The following MAGI2 variants were observed in gnomAD, a reference collection of about 807,000 sequenced individuals.
MAGI2 encodes the protein membrane associated guanylate kinase, WW and PDZ domain containing 2.
A neutral mutation model predicts 133.3 loss-of-function variants in MAGI2; 35 were observed. That is an observed-to-expected ratio of 0.26 (90% CI 0.20 to 0.35). The LOEUF (loss-of-function observed/expected upper bound fraction) is 0.35. Among genes scored for constraint, MAGI2 ranks in the 10% least tolerant of loss-of-function variants. The probability of loss-of-function intolerance (pLI) is 1.00; values close to 1 mark genes in which losing one functional copy is unlikely to be tolerated. For missense variants in MAGI2, 1,636 were observed against 1,863.4 expected, an observed-to-expected ratio of 0.88 and a Z score of 2.25; for synonymous variants, 729 against 710.6, an observed-to-expected ratio of 1.03 and a Z score of -0.41.
intron 2 of MAGI2, among the ~76,000 whole-genome samples, chr7:78,858,238 G>A (rs1415491561): frequency 6.6e-6 from 1 of 151,838 alleles, no homozygotes; most frequent in Non-Finnish European, 1.5e-5. Flanking sequence ...GGGTTTTTTT[G>A]TGTCTCTATC....
At chr7:78,751,701 TAAC>T (rs1563453982) in intron 2 of MAGI2, among the ~76,000 whole-genome samples, 2 of 152,212 alleles carry the variant, frequency 1.3e-5, no homozygotes, top group African/African-American at 4.8e-5. Context: ...TTCCTGGAGA[TAAC>T]AACTATCAAC....
At chr7:78,480,685 A>G (rs187447115) in intron 6 of MAGI2, among the ~76,000 whole-genome samples, 28 of 152,002 alleles carry the variant, frequency 1.8e-4, no homozygotes, top group African/African-American at 6.0e-4. Context: ...CAAGAAATCT[A>G]CCAAAAAATT....
chr7:78,106,355 C>A (rs1818693851), intron 20 of MAGI2, among the ~76,000 whole-genome samples: 1 of 152,018 alleles, frequency 6.6e-6, no homozygotes, highest in Non-Finnish European at 1.5e-5. Flanking sequence ...CACTGATTTC[C>A]TTTCTTTTGA....
At chr7:78,909,158 T>C (rs1798201655) in intron 2 of MAGI2, among the ~76,000 whole-genome samples, 1 of 147,706 alleles carries the variant, frequency 6.8e-6, no homozygotes, top group Non-Finnish European at 1.5e-5. Flanking sequence ...GCAAAGAATA[T>C]GAACAGACAC....
intron 2 of MAGI2, among the ~76,000 whole-genome samples, chr7:78,848,858 C>T (rs1319744629): frequency 6.6e-6 from 1 of 152,012 alleles, no homozygotes; most frequent in African/African-American, 2.4e-5. Context: ...TATCTCTTAT[C>T]ACCTTATCAC....
At chr7:79,153,572 A>G (rs527882945) in intron 1 of MAGI2, among the ~76,000 whole-genome samples, 2 of 152,250 alleles carry the variant, frequency 1.3e-5, no homozygotes, top group South Asian at 2.1e-4. Flanking sequence ...CGTGAAAATG[A>G]AGTAAAAATG....
At chr7:78,658,828 C>A (rs189550686) in intron 2 of MAGI2, among the ~76,000 whole-genome samples, 1 of 152,112 alleles carries the variant, frequency 6.6e-6, no homozygotes, top group Non-Finnish European at 1.5e-5. Flanking sequence ...TTGTGGAGAA[C>A]CTGGATCACT....
rs184305545 is a variant in MAGI2 at position 78,436,026 on chromosome 7, T to A, written c.1045+53735A>T. Among the ~76,000 whole-genome samples the A allele has an allele frequency of 5.6e-3, 852 of 152,192 alleles. 4 individuals carry two copies. Among genetic ancestry groups the A allele is most frequent in the Middle Eastern group, 0.01 (3 of 294 alleles). On this transcript the variant is annotated intron_variant, in intron 6 of 21. Coordinates refer to ENST00000354212, the MANE Select transcript of MAGI2 (RefSeq NM_012301.4). ...CTTCACACAAGTAGATATCTGGAGA[T>A]TTTTCAGGGAAAGATCCGGGGTGAG...
intron 2 of MAGI2, among the ~76,000 whole-genome samples, chr7:78,839,210 A>G (rs546499827): frequency 6.6e-6 from 1 of 152,234 alleles, no homozygotes; most frequent in East Asian, 1.9e-4. Context: ...TCTGATACCC[A>G]TGATTTCTCT....
intron 3 of MAGI2, among the ~76,000 whole-genome samples, chr7:78,619,986 TA>T (rs1807553580): frequency 6.6e-6 from 1 of 151,848 alleles, no homozygotes; most frequent in African/African-American, 2.4e-5. Flanking sequence ...CCTGGATATG[TA>T]AAAAACAGCT....
chr7:78,406,051 A>T (rs1271819308), intron 6 of MAGI2, among the ~76,000 whole-genome samples: 1 of 152,054 alleles, frequency 6.6e-6, no homozygotes, highest in Non-Finnish European at 1.5e-5. Flanking sequence ...GCTTATATGT[A>T]AAAGTTTGAA....
intron 1 of MAGI2, among the ~76,000 whole-genome samples, chr7:79,388,856 A>C (rs924413392): frequency 9.2e-5 from 14 of 151,414 alleles, no homozygotes; most frequent in African/African-American, 2.2e-4. Context: ...AAAAAAAAAA[A>C]ACACAGTCTT....
At chr7:78,694,075 A>G (rs1377134664) in intron 2 of MAGI2, among the ~76,000 whole-genome samples, 1 of 152,130 alleles carries the variant, frequency 6.6e-6, no homozygotes, top group Non-Finnish European at 1.5e-5. Context: ...GTGACCATTG[A>G]TAATTTCCTC....
intron 2 of MAGI2, among the ~76,000 whole-genome samples, chr7:78,787,482 A>T (rs1321967351): frequency 6.6e-6 from 1 of 152,188 alleles, no homozygotes. Flanking sequence ...ACAGGGTTAG[A>T]ACCCTGTTCT....
chr7:78,842,189 A>C (rs1192702847), intron 2 of MAGI2, among the ~76,000 whole-genome samples: 1 of 151,972 alleles, frequency 6.6e-6, no homozygotes, highest in Non-Finnish European at 1.5e-5. Flanking sequence ...AATAATCACA[A>C]AATTTCAGTT....
intron 2 of MAGI2, among the ~76,000 whole-genome samples, chr7:78,849,120 AT>A (rs1792900882): frequency 6.6e-6 from 1 of 152,112 alleles, no homozygotes; most frequent in South Asian, 2.1e-4. Context: ...ATTAATATTT[AT>A]TGTAAACTTC....
chr7:78,696,475 T>C (rs1435782504), intron 2 of MAGI2, among the ~76,000 whole-genome samples: 2 of 152,128 alleles, frequency 1.3e-5, no homozygotes, highest in East Asian at 3.9e-4. Flanking sequence ...TACCTAGAGT[T>C]ATATACTTGA....
chr7:78,969,071 T>A (rs1256137515), intron 2 of MAGI2, among the ~76,000 whole-genome samples: 1 of 152,084 alleles, frequency 6.6e-6, no homozygotes, highest in Non-Finnish European at 1.5e-5. Context: ...GGAAGCCAGG[T>A]ACATTCAATA....
At chr7:79,293,019 C>T (rs1210566254) in intron 1 of MAGI2, among the ~76,000 whole-genome samples, 2 of 152,168 alleles carry the variant, frequency 1.3e-5, no homozygotes, top group Non-Finnish European at 2.9e-5. Context: ...CTCACTCTGT[C>T]CTACAGTGCT....
Sources: gnomAD v4.1 joint callset for allele counts (sites outside exome capture counted in the v4.1 genomes callset) on GRCh38, gnomAD v4.1.1 for gene constraint, MANE v1.5 for transcripts, NCBI Gene and HGNC (gene_info 2026-07-23, HGNC 2026-07-21) for gene names.